Variants in FER1L5 observed in about 807,000 individuals in gnomAD.
FER1L5 encodes fer-1-like protein 5.
Under a neutral mutation model 279.9 loss-of-function variants are expected in FER1L5, and 187 were observed. That is an observed-to-expected ratio of 0.67 (90% CI 0.59 to 0.75). The LOEUF (loss-of-function observed/expected upper bound fraction) is 0.75, where lower values mean the gene tolerates loss of function less well. Among genes scored for constraint, FER1L5 ranks in the 30% least tolerant of loss-of-function variants. FER1L5 has a pLI of 0.00. For synonymous variants in FER1L5, 921 were observed against 989.7 expected (o/e 0.93, Z 1.30); for missense variants, 2,091 against 2,594.4 (o/e 0.81, Z 4.21).
chr2:96,703,691 G>GGT (rs2077674201), intron 51 of FER1L5, 59 bp downstream of exon 51: 1 of 1,483,300 alleles, frequency 6.7e-7, no homozygotes, highest in African/African-American at 1.4e-5. Flanking sequence ...TGTATGGGGT[G>GGT]GTGACCAGTG....
Position 96,702,473 on chromosome 2 carries a change from A to T in FER1L5, c.5255+72A>T, listed in dbSNP as rs1347469496. 2 of 1,557,682 alleles carry T rather than the reference A, an allele frequency of 1.3e-6. No individual in the cohort carries two copies. Among genetic ancestry groups the T allele is most frequent in the Non-Finnish European group, 1.7e-6 (2 of 1,150,996 alleles). On this transcript the variant is annotated intron_variant, in intron 47 of 52. Transcript: ENST00000624922. This position sits in a 1 kb window ranked among gnomAD's most constrained non-coding sequence, Gnocchi z 4.0. ...TTCTGTCATCCTGCTGGCACGGCCC[A>T]GTCCTGAATGGGACACCTCTCCATC...
chr2:96,702,460 G>C lies in FER1L5; in HGVS notation c.5255+59G>C. ...CTCAGTTCCCCAGTTCTGTCATCCTGCTGGCACGGCCCAGTCCTGAATGGG... is the reference window on the plus strand; with the variant it reads ...CTCAGTTCCCCAGTTCTGTCATCCTCCTGGCACGGCCCAGTCCTGAATGGG... On this transcript the variant is annotated intron_variant, in intron 47 of 52. Coordinates refer to ENST00000624922, the MANE Select transcript of FER1L5 (RefSeq NM_001293083.2). The surrounding 1 kb of genome is among the most constrained non-coding windows in gnomAD (Gnocchi z 4.0). The C allele has an allele frequency of 6.4e-7, 1 of 1,566,230 alleles. No homozygotes were observed. Among genetic ancestry groups the C allele is most frequent in the Non-Finnish European group, 8.6e-7 (1 of 1,156,132 alleles).
intron 17 of FER1L5, 102 bp downstream of exon 17, chr2:96,669,239 G>T (rs975776400): frequency 1.6e-5 from 18 of 1,137,498 alleles, no homozygotes; most frequent in Non-Finnish European, 2.2e-5. Context: ...CCTGGTTTCT[G>T]TCCCTCGGGG....
intron 19 of FER1L5, among the ~76,000 whole-genome samples, chr2:96,683,158 G>A (rs1422023615): frequency 2.0e-5 from 3 of 152,180 alleles, no homozygotes; most frequent in African/African-American, 7.2e-5. Context: ...TCTGCATGGT[G>A]TATGACTGCT....
intron 17 of FER1L5, 31 bp from the exon 18 acceptor site, chr2:96,670,088 C>T (rs752880475): frequency 6.4e-7 from 1 of 1,550,734 alleles, no homozygotes; most frequent in Non-Finnish European, 8.7e-7. Context: ...TCTCTCACCC[C>T]TTTTCTCCGT....
At position 96,661,732 on chromosome 2, in the gene FER1L5, T is replaced by C. The variant is rs567379170; in HGVS notation, c.959T>C (p.Val320Ala). 1.9e-6 allele frequency: 3 copies of C among 1,551,726 alleles called. No individual in the cohort carries two copies. The African/African-American group carries it at 4.1e-5, about 21-fold the overall frequency. The change falls in exon 12 of 53, where the codon GTC becomes GCC. Residue 320 changes from valine to alanine, a missense_variant. Coordinates refer to ENST00000624922, the MANE Select transcript of FER1L5 (RefSeq NM_001293083.2). ...ATTCAGATCTTCAAGTCAGCGGTAG[T>C]CCCGATCAACATGGCTTACTTACAG... ...TDIQIFKSAV[V>A]PINMAYLQLF...
chr2:96,697,437 A>T, intron 37 of FER1L5, 89 bp from the exon 38 acceptor site: 1 of 1,429,346 alleles, frequency 7.0e-7, no homozygotes, highest in Non-Finnish European at 9.7e-7. Context: ...GGCACCAGGG[A>T]AGCTCTGGCC....
At position 96,703,166 on chromosome 2, in the gene FER1L5, G is replaced by C; in HGVS notation, c.5511G>C (p.Leu1837=). The part of the protein sequence containing the change: ...SPDDFLGVLE[L]DLSDMPLPAR... ...TTCTGGGCTCAGGGGTCCTGGAGCT[G>C]GATTTGTCTGACATGCCCCTCCCGG... is the stretch of plus-strand genomic sequence containing the variant. The change falls in exon 50 of 53, where the codon CTG becomes CTC. Residue 1837 remains leucine (L), a synonymous_variant. Coordinates refer to ENST00000624922, the MANE Select transcript of FER1L5 (RefSeq NM_001293083.2). 6.2e-7 allele frequency: 1 copy of C among 1,613,036 alleles called. No homozygotes were observed. Among genetic ancestry groups the C allele is most frequent in the East Asian group, 2.2e-5 (1 of 44,872 alleles).
intron 14 of FER1L5, among the ~76,000 whole-genome samples, chr2:96,664,344 A>G (rs997981677): frequency 1.3e-5 from 2 of 152,124 alleles, no homozygotes; most frequent in Non-Finnish European, 1.5e-5. Context: ...TGTGATTCCT[A>G]TTCCACCCCC....
chr2:96,684,786 G>A (rs2076858189), intron 20 of FER1L5, among the ~76,000 whole-genome samples: 2 of 152,254 alleles, frequency 1.3e-5, no homozygotes, highest in South Asian at 4.1e-4. Flanking sequence ...GTCAGAGGAG[G>A]TGTGCACAAA....
At chr2:96,700,513 G>A (rs764949094) in intron 45 of FER1L5, 42 bp downstream of exon 45, 43 of 1,608,876 alleles carry the variant, frequency 2.7e-5, no homozygotes, top group Non-Finnish European at 3.5e-5. Context: ...TACAGGAGGA[G>A]CTAGATCAGG....
intron 31 of FER1L5, among the ~76,000 whole-genome samples, chr2:96,692,835 G>A (rs1258210021): frequency 6.6e-6 from 1 of 152,136 alleles, no homozygotes; most frequent in Non-Finnish European, 1.5e-5. Flanking sequence ...CACATCGAGA[G>A]GCCCATGTGA....
At chr2:96,665,196 A>G (rs570075041) in intron 14 of FER1L5, among the ~76,000 whole-genome samples, 1 of 152,364 alleles carries the variant, frequency 6.6e-6, no homozygotes, top group East Asian at 1.9e-4. Flanking sequence ...GAGCTCTCTC[A>G]TAAGTGCAGG....
rs777387964 is a variant in FER1L5 at position 96,687,916 on chromosome 2, G to A, written c.2330G>A (p.Arg777His). The change falls in exon 24 of 53, where the codon CGC becomes CAC. Residue 777 changes from arginine to histidine, a missense_variant. Arg to His is a conservative substitution (Grantham distance 29). Transcript: ENST00000624922. ...VTDSKDLQLLRQGDTAVYAEM... is the reference protein window; with the variant it reads ...VTDSKDLQLLHQGDTAVYAEM... ...GACAGCAAGGACCTGCAGCTGCTCC[G>A]CCAGGGTGACACAGCGGTGTACGCC... 27 of 1,550,944 alleles carry A rather than the reference G, an allele frequency of 1.7e-5. No homozygotes were observed. Among genetic ancestry groups the A allele is most frequent in the South Asian group, 7.1e-5 (6 of 84,060 alleles).
chr2:96,651,261 TTC>T (rs2075358758), intron 6 of FER1L5, among the ~76,000 whole-genome samples: 1 of 149,346 alleles, frequency 6.7e-6, no homozygotes, highest in Non-Finnish European at 1.5e-5. Flanking sequence ...CTTTCTTTCT[TTC>T]TTTCTTTCTT....
In FER1L5 at chr2:96,693,546, C is replaced by T. The variant is rs771366175; in HGVS notation, c.3333C>T (p.Cys1111=). 7 of 1,551,308 alleles carry T rather than the reference C, an allele frequency of 4.5e-6. No individual in the cohort carries two copies. The highest frequency in any genetic ancestry group is 2.4e-5 in the South Asian group (2 of 84,032). Residue 1111 remains cysteine, a synonymous_variant, in exon 32 of 53, where the codon TGC becomes TGT. Coordinates refer to ENST00000624922, the MANE Select transcript of FER1L5 (RefSeq NM_001293083.2). ...TGGTCTTCCTGAACCACAGCCAGTG[C>T]ACCCAAACCCTGAGGAGCTCTGCAG... ...IRVVFLNHSQ[C]TQTLRSSAGP... is the part of the protein sequence containing the mutation.
At chr2:96,643,261 C>G (rs1049731536) in intron 1 of FER1L5, among the ~76,000 whole-genome samples, 8 of 152,182 alleles carry the variant, frequency 5.3e-5, no homozygotes, top group African/African-American at 1.9e-4. Context: ...ATGTGTATAG[C>G]CCTTAGTACA....
Position 96,702,396 on chromosome 2 carries a change from C to G in FER1L5, c.5250C>G (p.Ile1750Met), listed in dbSNP as rs1463917126. ...LSREKTSDIY[I>M]KGWLYGLEKD... ...GAGAGAAGACGAGCGACATCTACAT[C>G]AAAGGGTAGGGAAGAGGAGTCAGGC... Residue 1750 changes from isoleucine (I) to methionine (M), a missense_variant, in exon 47 of 53, where the codon ATC becomes ATG. Transcript: ENST00000624922. This position sits in a 1 kb window ranked among gnomAD's most constrained non-coding sequence, Gnocchi z 4.0. 4 of 1,610,714 alleles carry G rather than the reference C, an allele frequency of 2.5e-6. No homozygotes were observed. The highest frequency in any genetic ancestry group is 2.5e-6 in the Non-Finnish European group (3 of 1,178,542).
chr2:96,698,660 C>A lies in FER1L5; in HGVS notation c.4357-11C>A. On this transcript the variant is annotated splice_polypyrimidine_tract_variant and intron_variant, in intron 40 of 52. Coordinates refer to ENST00000624922, the MANE Select transcript of FER1L5 (RefSeq NM_001293083.2). This position sits in a 1 kb window ranked among gnomAD's most constrained non-coding sequence, Gnocchi z 5.5. ...TGCCAGGCTGGGCCCCCAACACCCT[C>A]CCCCCGCCAGGGCCTTTTCCGCATC... 6.4e-7 allele frequency: 1 copy of A among 1,573,780 alleles called. No homozygotes were observed. The highest frequency in any genetic ancestry group is 1.2e-5 in the South Asian group (1 of 85,514).
Sources: allele counts gnomAD v4.1 joint callset (sites outside exome capture counted in the v4.1 genomes callset), GRCh38; gene constraint gnomAD v4.1.1; non-coding constraint Gnocchi (gnomAD v3.1); transcripts MANE v1.5; gene names NCBI Gene and HGNC (gene_info 2026-07-23, HGNC 2026-07-21).